The following SENP1 variants were observed in gnomAD, a reference collection of about 807,000 sequenced individuals.
SENP1 encodes the protein SUMO specific peptidase 1, also known as sentrin-specific protease 1.
Under a neutral mutation model 93.0 loss-of-function variants are expected in SENP1, and 21 were observed. That is an observed-to-expected ratio of 0.23 (90% CI 0.16 to 0.33). The LOEUF (loss-of-function observed/expected upper bound fraction) is 0.33. SENP1 is among the 10% of genes least tolerant of loss of function. The pLI is 1.00. For missense variants in SENP1, 591 were observed against 758.7 expected (o/e 0.78, Z 2.60); for synonymous variants, 256 against 259.6 (o/e 0.99, Z 0.13).
At chr12:48,058,251 T>C (rs1233455286) in intron 13 of SENP1, among the ~76,000 whole-genome samples, 1 of 152,152 alleles carries the variant, frequency 6.6e-6, no homozygotes, top group Non-Finnish European at 1.5e-5. Flanking sequence ...CGGCCCATTT[T>C]ACTTTTTTAA....
intron 9 of SENP1, among the ~76,000 whole-genome samples, chr12:48,067,185 A>C (rs1188239785): frequency 2.0e-5 from 3 of 152,246 alleles, no homozygotes; most frequent in Non-Finnish European, 4.4e-5. Context: ...ATGGATACAT[A>C]TTAGTTAAAA....
In SENP1 at chr12:48,096,396, C is replaced by T. The variant is rs1186115781; in HGVS notation, c.167G>A (p.Arg56Gln). ...ILSSRQGHLD[R>Q]SFTCSTRSAA... ...ACTTCTTGTGGAACATGTAAAAGATCGGTCCAAATGTCCTTGCCTGGAAGA... is the reference window on the plus strand; with the variant it reads ...ACTTCTTGTGGAACATGTAAAAGATTGGTCCAAATGTCCTTGCCTGGAAGA... The change falls in exon 4 of 18, where the codon CGA becomes CAA. Residue 56 changes from arginine (R) to glutamine (Q), a missense_variant. Transcript: ENST00000549518. 14 of 1,610,020 alleles carry T rather than the reference C, an allele frequency of 8.7e-6. No individual in the cohort carries two copies. Among genetic ancestry groups the T allele is most frequent in the African/African-American group, 6.7e-5 (5 of 74,794 alleles).
At chr12:48,089,359 T>C (rs1295079686) in intron 4 of SENP1, 12 of 1,300,186 alleles carry the variant, frequency 9.2e-6, no homozygotes, top group Non-Finnish European at 1.2e-5. Flanking sequence ...GTAATTCAAA[T>C]GAACAACAGT....
At chr12:48,069,662 G>C (rs1420967048) in intron 9 of SENP1, among the ~76,000 whole-genome samples, 1 of 152,160 alleles carries the variant, frequency 6.6e-6, no homozygotes, top group Non-Finnish European at 1.5e-5. Context: ...ACAATTAAGT[G>C]TAAGGTATCA....
intron 13 of SENP1, among the ~76,000 whole-genome samples, chr12:48,051,151 A>G (rs1198353806): frequency 1.3e-5 from 2 of 152,152 alleles, no homozygotes; most frequent in African/African-American, 4.8e-5. Flanking sequence ...TTCAAGAGGA[A>G]AGAGTTCCAG....
At chr12:48,097,436 T>C (rs1287731370) in intron 3 of SENP1, among the ~76,000 whole-genome samples, 2 of 152,238 alleles carry the variant, frequency 1.3e-5, no homozygotes, top group Non-Finnish European at 1.5e-5. Context: ...AAATTACTAA[T>C]GGCTTTCCTA....
chr12:48,088,234 T>G (rs1945011874), intron 5 of SENP1, among the ~76,000 whole-genome samples: 1 of 152,138 alleles, frequency 6.6e-6, no homozygotes, highest in Non-Finnish European at 1.5e-5. Flanking sequence ...TTTGTATTTT[T>G]AGTGGAGACA....
At chr12:48,048,154 C>T in intron 14 of SENP1, 74 bp from the exon 15 acceptor site, 1 of 887,782 alleles carries the variant, frequency 1.1e-6, no homozygotes, top group Non-Finnish European at 1.8e-6. Context: ...CCTTCCCTGC[C>T]CTTTGGAACC....
chr12:48,062,682 C>T (rs756258537), intron 13 of SENP1, among the ~76,000 whole-genome samples: 10 of 152,208 alleles, frequency 6.6e-5, no homozygotes, highest in Non-Finnish European at 1.0e-4. Flanking sequence ...CTTGGCTCTG[C>T]TGTTTACTAG....
At chr12:48,099,296 C>G (rs1474853077) in intron 2 of SENP1, 1 of 152,132 alleles carries the variant, frequency 6.6e-6, no homozygotes, top group African/African-American at 2.4e-5. Flanking sequence ...TCACTGCACT[C>G]CAGCCTGGGT....
Position 48,049,008 on chromosome 12 carries a change from C to A in SENP1, c.1532G>T (p.Arg511Leu). 1.2e-6 allele frequency: 2 copies of A among 1,613,732 alleles called. No individual in the cohort carries two copies. The highest frequency in any genetic ancestry group is 1.7e-6 in the Non-Finnish European group (2 of 1,179,748). The part of the protein sequence containing the change: ...LKTAGYQAVK[R>L]WTKKVDVFSV... ...AAATACATCTACTTTCTTTGTCCAA[C>A]GTTTCACTGCCTGATAACCAGCCGT... Residue 511 changes from arginine (R) to leucine (L), a missense_variant, in exon 14 of 18, where the codon CGT becomes CTT. This residue lies in a region of SENP1 where 132 missense variants were observed against 230.1 expected (regional missense o/e 0.57). Coordinates refer to ENST00000549518, the MANE Select transcript of SENP1 (RefSeq NM_001267594.2).
At position 48,056,813 on chromosome 12, in the gene SENP1, C is replaced by G. The variant is rs1292607073; in HGVS notation, c.1407+6897G>C. Among the ~76,000 whole-genome samples the G allele has an allele frequency of 3.3e-5, 2 of 61,534 alleles. 1 individual carries two copies. The highest frequency in any genetic ancestry group is 5.4e-5 in the Non-Finnish European group (2 of 36,952). The allele number at this position is 61,534 out of a possible 152,430, so 40.4% of individuals were successfully genotyped here. A position where few individuals can be genotyped will look rare whatever the true frequency, so the allele number is the denominator to read the frequency against. On this transcript the variant is annotated intron_variant, in intron 13 of 17. Coordinates refer to ENST00000549518, the MANE Select transcript of SENP1 (RefSeq NM_001267594.2). ...ATATTATTTAATATATTACATATTA[C>G]ATATATAAATATATTTAACATATTA...
At chr12:48,081,533 G>C (rs1429344093) in intron 6 of SENP1, 3 of 146,504 alleles carry the variant, frequency 2.0e-5, no homozygotes, top group African/African-American at 7.6e-5. Context: ...TGACTTACTA[G>C]TTCTGCCACC....
At chr12:48,054,308 ATATT>A (rs1258275894) in intron 13 of SENP1, among the ~76,000 whole-genome samples, 1 of 152,194 alleles carries the variant, frequency 6.6e-6, no homozygotes, top group Non-Finnish European at 1.5e-5. Flanking sequence ...AGGTGTGTAC[ATATT>A]TAGGTTGCTA....
intron 1 of SENP1, among the ~76,000 whole-genome samples, chr12:48,103,048 G>A (rs946049734): frequency 6.6e-6 from 1 of 152,042 alleles, no homozygotes; most frequent in Non-Finnish European, 1.5e-5. Flanking sequence ...GATTAAGGGG[G>A]AAAAAATCTT....
In SENP1 at chr12:48,086,727, A is replaced by C. The variant is rs1046078945; in HGVS notation, c.380+2074T>G. 7.2e-4 allele frequency among the ~76,000 whole-genome samples: 110 copies of C among 152,286 alleles called. 1 individual carries two copies. The highest frequency in any genetic ancestry group is 2.1e-4 in the Non-Finnish European group (14 of 68,014). ...CAAAAAGTAGAACATTATACAGAAA[A>C]GTCATGTCATTTAAAAAAAGGAGGC... is the stretch of plus-strand genomic sequence containing the variant. On this transcript the variant is annotated intron_variant, in intron 5 of 17. Coordinates refer to ENST00000549518, the MANE Select transcript of SENP1 (RefSeq NM_001267594.2).
Position 48,101,499 on chromosome 12 carries a change from T to TA in SENP1, c.-28dup. 1 of 1,589,764 alleles carries TA rather than the reference T, an allele frequency of 6.3e-7. No individual in the cohort carries two copies. On this transcript the variant is annotated 5_prime_UTR_variant, in exon 2 of 18. It removes the in-frame stop codon of an upstream open reading frame in the 5' UTR. Coordinates refer to ENST00000549518, the MANE Select transcript of SENP1 (RefSeq NM_001267594.2). ...TCAAGTCTTTTCACATCACTGACTT[T>TA]AGCAAAGATACAAAGTCCTATAAAA...
chr12:48,070,725 T>C (rs574733052), intron 9 of SENP1, among the ~76,000 whole-genome samples: 53 of 152,294 alleles, frequency 3.5e-4, no homozygotes, highest in Admixed American at 5.2e-4. Context: ...CAAATAATCA[T>C]TAAACCCCTT....
At chr12:48,055,723 AT>A (rs1316150974) in intron 13 of SENP1, 1 of 150,476 alleles carries the variant, frequency 6.6e-6, no homozygotes, top group Non-Finnish European at 1.5e-5. Context: ...TCTCAATAGT[AT>A]TTTGACTACA....
Sources: gnomAD v4.1 joint callset for allele counts (sites outside exome capture counted in the v4.1 genomes callset) on GRCh38, gnomAD v4.1.1 for gene constraint, gnomAD v4.1.1 regional missense constraint, MANE v1.5 for transcripts, NCBI Gene and HGNC (gene_info 2026-07-23, HGNC 2026-07-21) for gene names.